Variants in ZBTB46 observed in about 807,000 individuals in gnomAD.
ZBTB46 encodes zinc finger and BTB domain containing 46.
ZBTB46 carries 8 observed loss-of-function variants against 44.1 expected under a neutral mutation model. That is an observed-to-expected ratio of 0.18 (90% CI 0.11 to 0.33). The LOEUF (loss-of-function observed/expected upper bound fraction) is 0.33, where lower values mean the gene tolerates loss of function less well. ZBTB46 is among the 10% of genes least tolerant of loss of function. The pLI is 1.00. For synonymous variants in ZBTB46, 409 were observed against 382.3 expected (o/e 1.07, Z -0.81); for missense variants, 651 against 847.7 (o/e 0.77, Z 2.88).
At chr20:63,765,799 C>CT (rs1158536175) in intron 3 of ZBTB46, among the ~76,000 whole-genome samples, 1 of 152,204 alleles carries the variant, frequency 6.6e-6, no homozygotes, top group African/African-American at 2.4e-5. Flanking sequence ...AGTCATACTG[C>CT]TATCTATTCT....
chr20:63,823,005 T>TAA (rs886929616), intron 1 of ZBTB46, among the ~76,000 whole-genome samples: 1 of 99,268 alleles, frequency 1.0e-5, no homozygotes, highest in Non-Finnish European at 2.0e-5. Context: ...TACTAAAACT[T>TAA]AAAAAAAAAA....
intron 3 of ZBTB46, among the ~76,000 whole-genome samples, chr20:63,766,567 A>T (rs553322715): frequency 7.2e-5 from 11 of 151,992 alleles, no homozygotes; most frequent in Non-Finnish European, 1.3e-4. Context: ...TTTCTCTACA[A>T]CTGATATTAA....
At chr20:63,768,161 C>A (rs2092336406) in intron 3 of ZBTB46, 4 of 978,194 alleles carry the variant, frequency 4.1e-6, no homozygotes, top group Non-Finnish European at 4.9e-6. Context: ...AAGAGACACT[C>A]AAAAATATAT....
chr20:63,832,797 T>A (rs548988309), upstream of ZBTB46, among the ~76,000 whole-genome samples: 30 of 151,916 alleles, frequency 2.0e-4, no homozygotes, highest in Admixed American at 7.2e-4. This position sits in a 1 kb window ranked among gnomAD's most constrained non-coding sequence, Gnocchi z 5.0. Flanking sequence ...CTTCGGGAAG[T>A]GGGGGCTGAG....
chr20:63,783,218 A>T (rs1016155642), intron 2 of ZBTB46, among the ~76,000 whole-genome samples: 1 of 151,970 alleles, frequency 6.6e-6, no homozygotes, highest in Non-Finnish European at 1.5e-5. Flanking sequence ...TCACAAGTTC[A>T]AGAGATTGAG....
At chr20:63,830,938 C>T (rs1379305094) in intron 1 of ZBTB46, among the ~76,000 whole-genome samples, 159 bp downstream of exon 1, 2 of 140,406 alleles carry the variant, frequency 1.4e-5, no homozygotes, top group Non-Finnish European at 1.6e-5. Context: ...CGATGGCCCC[C>T]GGGAGGGCGC....
intron 1 of ZBTB46, among the ~76,000 whole-genome samples, chr20:63,793,059 G>T (rs182139498): frequency 6.6e-6 from 1 of 152,234 alleles, no homozygotes; most frequent in East Asian, 1.9e-4. Flanking sequence ...GGGCTGTGAC[G>T]GCGGTGACCG....
At chr20:63,831,525 AGCGGAAGT>A, upstream of ZBTB46, among the ~76,000 whole-genome samples, 1 of 147,050 alleles carries the variant, frequency 6.8e-6, no homozygotes, top group Admixed American at 6.7e-5. Flanking sequence ...GCAGCCGGAC[AGCGGAAGT>A]GCGGGCTGGA....
At chr20:63,761,854 T>C (rs2092280874) in intron 3 of ZBTB46, among the ~76,000 whole-genome samples, 1 of 152,126 alleles carries the variant, frequency 6.6e-6, no homozygotes, top group Non-Finnish European at 1.5e-5. Flanking sequence ...AAACGTATAC[T>C]ATTTGATTTG....
chr20:63,759,011 C>T (rs537672302), intron 3 of ZBTB46, among the ~76,000 whole-genome samples: 9 of 152,338 alleles, frequency 5.9e-5, no homozygotes, highest in African/African-American at 9.6e-5. Flanking sequence ...GGATGACAGG[C>T]GTGAGCCATG....
At chr20:63,810,951 CA>C (rs1249984486) in intron 1 of ZBTB46, among the ~76,000 whole-genome samples, 2 of 152,056 alleles carry the variant, frequency 1.3e-5, no homozygotes, top group East Asian at 3.9e-4. Flanking sequence ...GTCCAGGCTC[CA>C]CTCTCTTTCC....
chr20:63,763,665 A>G (rs1378804678), intron 3 of ZBTB46, among the ~76,000 whole-genome samples: 2 of 152,216 alleles, frequency 1.3e-5, no homozygotes, highest in African/African-American at 4.8e-5. Context: ...ATTGCGGATC[A>G]CAGTTCAACA....
chr20:63,768,197 C>A, intron 3 of ZBTB46: 1 of 848,352 alleles, frequency 1.2e-6, no homozygotes, highest in Non-Finnish European at 1.4e-6. Context: ...TAACACCTGC[C>A]ACCAAAACTA....
At chr20:63,805,466 T>C (rs1046745036) in intron 1 of ZBTB46, among the ~76,000 whole-genome samples, 1 of 150,808 alleles carries the variant, frequency 6.6e-6, no homozygotes, top group Non-Finnish European at 1.5e-5. Flanking sequence ...CCCCCATCTC[T>C]AAAGGAAAAA....
At position 63,744,131 on chromosome 20, in the gene ZBTB46, T is replaced by TTAAG. The variant is rs1243837300; in HGVS notation, c.*2795_*2798dup. 5.9e-5 allele frequency: 9 copies of TTAAG among 152,268 alleles called. No homozygotes were observed. The highest frequency in any genetic ancestry group is 1.3e-4 in the Admixed American group (2 of 15,280). The allele number at this position is 152,268 out of a possible 1,614,324, so 9.4% of individuals were successfully genotyped here. A position where few individuals can be genotyped will look rare whatever the true frequency, so the allele number is the denominator to read the frequency against. Reference sequence around the variant, plus strand: ...TAAGATCTAAAAAAAACCACCACCATTAAGTATGGCTTTCTTAAGAGTCGC... The same window carrying TTAAG: ...TAAGATCTAAAAAAAACCACCACCATTAAGTAAGTATGGCTTTCTTAAGAGTCGC... On this transcript the variant is annotated 3_prime_UTR_variant, in exon 5 of 5. Coordinates refer to ENST00000245663, the MANE Select transcript of ZBTB46 (RefSeq NM_001369741.1).
rs559922962 is a variant in ZBTB46, at chr20:63,792,521, C to CT, written c.-33-1732dup. Among the ~76,000 whole-genome samples, 271 of 145,852 alleles carry CT rather than the reference C, an allele frequency of 1.9e-3. 6 individuals are homozygous for CT. In the South Asian group the frequency reaches 0.035, roughly 19 times the overall value. On this transcript the variant is annotated intron_variant, in intron 1 of 4. Coordinates refer to ENST00000245663, the MANE Select transcript of ZBTB46 (RefSeq NM_001369741.1). ...CTTAGTCATGACAGAATATTTTCTT[C>CT]TTTTTTTTTTTTTGAGACGGAGTCT...
chr20:63,795,176 T>C (rs1004157027), intron 1 of ZBTB46, among the ~76,000 whole-genome samples: 6 of 152,202 alleles, frequency 3.9e-5, no homozygotes, highest in African/African-American at 9.6e-5. Context: ...GCTTTACTTA[T>C]ATATCACGAA....
chr20:63,789,781 A>G (rs780468562), intron 2 of ZBTB46, 40 bp downstream of exon 2: 2 of 1,572,710 alleles, frequency 1.3e-6, no homozygotes, highest in African/African-American at 2.7e-5. Context: ...GCCTGGACAC[A>G]CTGGGGCAGC....
At chr20:63,773,305 T>C (rs2092392663) in intron 3 of ZBTB46, among the ~76,000 whole-genome samples, 1 of 150,284 alleles carries the variant, frequency 6.7e-6, no homozygotes, top group Non-Finnish European at 1.5e-5. Context: ...CATGGCTCAC[T>C]GCAGCCTCAA....
Sources: allele counts gnomAD v4.1 joint callset (sites outside exome capture counted in the v4.1 genomes callset), GRCh38; gene constraint gnomAD v4.1.1; non-coding constraint Gnocchi (gnomAD v3.1); transcripts MANE v1.5; gene names NCBI Gene and HGNC (gene_info 2026-07-23, HGNC 2026-07-21).